The following DNAJA3 variants were observed in gnomAD, a reference collection of about 807,000 sequenced individuals.
DNAJA3 encodes DnaJ heat shock protein family (Hsp40) member A3.
DNAJA3 carries 29 observed loss-of-function variants against 54.9 expected under a neutral mutation model. That is an observed-to-expected ratio of 0.53 (90% CI 0.39 to 0.72). The LOEUF (loss-of-function observed/expected upper bound fraction) is 0.72. Ranked by LOEUF, DNAJA3 falls within the 30% of genes least tolerant of loss-of-function variation. The pLI is 0.00. For missense variants in DNAJA3, 708 were observed against 639.4 expected (o/e 1.11, Z -1.16); for synonymous variants, 302 against 251.4 (o/e 1.20, Z -1.90).
intron 8 of DNAJA3, 196 bp downstream of exon 8, chr16:4,447,210 A>C: frequency 8.3e-6 from 5 of 603,912 alleles, no homozygotes; most frequent in Non-Finnish European, 8.5e-6. Context: ...CTATAATCGC[A>C]TGGGAAGCAG....
chr16:4,441,274 C>G, intron 3 of DNAJA3, 101 bp from the exon 4 acceptor site: 2 of 1,145,542 alleles, frequency 1.7e-6, no homozygotes, highest in Non-Finnish European at 2.5e-6. Flanking sequence ...CACAGGGCCA[C>G]TTAATAAATG....
chr16:4,444,716 C>T lies in DNAJA3; in HGVS notation c.984C>T (p.Phe328=). 1 of 1,614,118 alleles carries T rather than the reference C, an allele frequency of 6.2e-7. No individual in the cohort carries two copies. Among genetic ancestry groups the T allele is most frequent in the East Asian group, 2.2e-5 (1 of 44,882 alleles). Residue 328 remains phenylalanine, a synonymous_variant, in exon 7 of 12, where the codon TTC becomes TTT. Transcript: ENST00000262375. ...TGCCTGTGGGAAAAAGGGAAATTTT[C>T]ATTACGTTCAGGGTAGGTGCCCTGC... ...VRMPVGKREI[F]ITFRVQKSPV...
chr16:4,447,165 C>T (rs1469749421), intron 8 of DNAJA3, 151 bp downstream of exon 8: 9 of 886,670 alleles, frequency 1.0e-5, no homozygotes, highest in East Asian at 5.4e-5. Flanking sequence ...TTAGGCTGCT[C>T]CTTGAGTGTG....
chr16:4,449,167 T>G (rs923377205), intron 9 of DNAJA3, among the ~76,000 whole-genome samples: 1 of 150,680 alleles, frequency 6.6e-6, no homozygotes, highest in African/African-American at 2.4e-5. Flanking sequence ...CGGCTAATTT[T>G]TTGTATTTTT....
At chr16:4,434,321 A>T (rs2056744595) in intron 1 of DNAJA3, 63 bp from the exon 2 acceptor site, 1 of 1,569,226 alleles carries the variant, frequency 6.4e-7, no homozygotes, top group African/African-American at 1.4e-5. Flanking sequence ...TGGGTCATGT[A>T]CTCACAGTTT....
At chr16:4,452,872 CTG>C (rs1262320244) in intron 10 of DNAJA3, among the ~76,000 whole-genome samples, 2 of 152,188 alleles carry the variant, frequency 1.3e-5, no homozygotes, top group African/African-American at 4.8e-5. Flanking sequence ...GACAGCGACA[CTG>C]TACTCCAGCC....
chr16:4,450,672 C>T (rs182421183), intron 10 of DNAJA3, among the ~76,000 whole-genome samples, 175 bp downstream of exon 10: 157 of 152,216 alleles, frequency 1.0e-3, no homozygotes, highest in African/African-American at 3.7e-3. Flanking sequence ...AGCCGCAGCC[C>T]CCAGTCCAAG....
chr16:4,434,552 G>C lies in DNAJA3; in HGVS notation c.345+35G>C, dbSNP rs1424044875. ...GAAGTCAGGTTTTGGTGACCAAATT[G>C]TAGTAGGAATGTTGTTGATCCCATG... On this transcript the variant is annotated intron_variant, in intron 2 of 11. Coordinates refer to ENST00000262375, the MANE Select transcript of DNAJA3 (RefSeq NM_005147.6). 5 of 1,602,574 alleles carry C rather than the reference G, an allele frequency of 3.1e-6. No individual in the cohort carries two copies. The East Asian group carries it at 1.1e-4, about 36-fold the overall frequency.
At chr16:4,441,889 G>C (rs2056840823) in intron 4 of DNAJA3, among the ~76,000 whole-genome samples, 1 of 152,140 alleles carries the variant, frequency 6.6e-6, no homozygotes, top group African/African-American at 2.4e-5. Context: ...GGAAGGCACT[G>C]CTGATCCTCT....
At chr16:4,432,863 C>T (rs1034970674) in intron 1 of DNAJA3, among the ~76,000 whole-genome samples, 6 of 151,798 alleles carry the variant, frequency 4.0e-5, no homozygotes, top group South Asian at 2.1e-4. Flanking sequence ...AAAAGCCTGC[C>T]GGGCACGGTG....
chr16:4,452,236 T>C (rs915524018), intron 10 of DNAJA3, among the ~76,000 whole-genome samples: 7 of 152,128 alleles, frequency 4.6e-5, no homozygotes, highest in Admixed American at 6.6e-5. Context: ...GAGTAGCTAT[T>C]CCCCGGAACT....
chr16:4,451,100 T>C (rs2056972794), intron 10 of DNAJA3, among the ~76,000 whole-genome samples: 1 of 152,188 alleles, frequency 6.6e-6, no homozygotes, highest in South Asian at 2.1e-4. Context: ...ACACCTGCTG[T>C]GGGCGCTGAG....
At position 4,442,283 on chromosome 16, in the gene DNAJA3, A is replaced by G; in HGVS notation, c.646A>G (p.Thr216Ala). The change falls in exon 5 of 12, where the codon ACA becomes GCA. Residue 216 changes from threonine to alanine, a missense_variant. Coordinates refer to ENST00000262375, the MANE Select transcript of DNAJA3 (RefSeq NM_005147.6). The stretch of plus-strand genomic sequence containing the variant: ...GTTTCTTTAGTACTTCATGGAGTTG[A>G]CATTCAATCAAGCTGCAAAGGGGGT... ...DQPQEYFMEL[T>A]FNQAAKGVNK... 1 of 1,595,960 alleles carries G rather than the reference A, an allele frequency of 6.3e-7. No homozygotes were observed. Among genetic ancestry groups the G allele is most frequent in the Non-Finnish European group, 8.5e-7 (1 of 1,169,630 alleles).
intron 1 of DNAJA3, among the ~76,000 whole-genome samples, chr16:4,432,706 C>T (rs966560078): frequency 1.3e-5 from 2 of 152,108 alleles, no homozygotes; most frequent in African/African-American, 4.8e-5. Context: ...CGTGGTGGCA[C>T]ACGCCTGTAG....
intron 1 of DNAJA3, among the ~76,000 whole-genome samples, chr16:4,427,834 A>G (rs1567320901): frequency 6.6e-6 from 1 of 151,818 alleles, no homozygotes; most frequent in Non-Finnish European, 1.5e-5. Context: ...ACACCCAGCT[A>G]GTTTTCTGTA....
intron 3 of DNAJA3, chr16:4,441,057 G>A (rs1358706860): frequency 4.6e-6 from 2 of 433,036 alleles, no homozygotes; most frequent in Non-Finnish European, 4.1e-6. Flanking sequence ...GGAGAGAGGT[G>A]AAGTGTGAAT....
intron 3 of DNAJA3, 135 bp from the exon 4 acceptor site, chr16:4,441,240 C>A: frequency 1.3e-6 from 1 of 778,628 alleles, no homozygotes; most frequent in Non-Finnish European, 2.1e-6. Context: ...CAGGCCCACC[C>A]CAACCTCATA....
intron 10 of DNAJA3, among the ~76,000 whole-genome samples, chr16:4,453,196 A>G (rs995978124): frequency 2.6e-5 from 4 of 152,132 alleles, no homozygotes; most frequent in African/African-American, 4.8e-5. Context: ...TTGGAATTAC[A>G]GACATGAGCC....
chr16:4,445,847 C>T (rs550357137), intron 7 of DNAJA3, among the ~76,000 whole-genome samples: 4 of 150,862 alleles, frequency 2.7e-5, no homozygotes, highest in Admixed American at 1.3e-4. Context: ...CCACTGCGCC[C>T]GGCCTGTGAT....
Sources: allele counts gnomAD v4.1 joint callset (sites outside exome capture counted in the v4.1 genomes callset), GRCh38; gene constraint gnomAD v4.1.1; transcripts MANE v1.5; gene names NCBI Gene and HGNC (gene_info 2026-07-23, HGNC 2026-07-21).